Variants in KIF7 observed in about 807,000 individuals in gnomAD.
KIF7 encodes the protein kinesin family member 7, also known as kinesin-like protein KIF7.
KIF7 carries 104 observed loss-of-function variants against 135.7 expected under a neutral mutation model. The ratio of observed to expected loss-of-function variants is 0.77; its 90% confidence interval spans 0.65 to 0.90. KIF7 has a LOEUF of 0.90. Among genes scored for constraint, KIF7 ranks in the 40% least tolerant of loss-of-function variants. The pLI, the probability that KIF7 is intolerant of heterozygous loss-of-function variation, is 0.00. For missense variants in KIF7, 2,005 were observed against 1,839.1 expected (o/e 1.09, Z -1.65); for synonymous variants, 883 against 809.4 (o/e 1.09, Z -1.54).
chr15:89,619,507 T>G (rs1963389065), intron 1 of KIF7, among the ~76,000 whole-genome samples: 1 of 152,216 alleles, frequency 6.6e-6, no homozygotes, highest in African/African-American at 2.4e-5. Context: ...GGTCAGTGTT[T>G]TTTTAATACC....
At position 89,649,145 on chromosome 15, in the gene KIF7, A is replaced by G; in HGVS notation, c.752T>C (p.Val251Ala). Reference protein sequence around the residue: ...GQLLVSKFHFVDLAGSERVLK... With the variant: ...GQLLVSKFHFADLAGSERVLK... ...CACCCTCTCTGAGCCCGCCAGGTCC[A>G]CGAAGTGGAACTTGGAGACGAGCAG... Residue 251 changes from valine to alanine, a missense_variant, in exon 4 of 19, where the codon GTG becomes GCG. Physicochemically the swap from Val to Ala is moderately conservative, Grantham distance 64. Transcript: ENST00000394412. 6.5e-7 allele frequency: 1 copy of G among 1,548,044 alleles called. No individual in the cohort carries two copies. The highest frequency in any genetic ancestry group is 1.2e-5 in the South Asian group (1 of 84,040).
chr15:89,657,397 TTCA>T, upstream of KIF7, among the ~76,000 whole-genome samples: 1 of 151,876 alleles, frequency 6.6e-6, no homozygotes, highest in Admixed American at 6.6e-5. Flanking sequence ...AATAAAAACT[TTCA>T]TGTTACAATA....
At chr15:89,624,049 C>T (rs1003278589), downstream of KIF7, 1 of 1,613,860 alleles carries the variant, frequency 6.2e-7, no homozygotes, top group South Asian at 1.1e-5. Context: ...CATCAGAGAC[C>T]CTCTCAGAAC....
At chr15:89,644,502 C>G (rs1213989504) in intron 10 of KIF7, among the ~76,000 whole-genome samples, 1 of 151,430 alleles carries the variant, frequency 6.6e-6, no homozygotes, top group East Asian at 1.9e-4. Context: ...TGGTGAAACC[C>G]CATCTCAACT....
At chr15:89,643,300 A>G (rs1334576071) in intron 10 of KIF7, among the ~76,000 whole-genome samples, 1 of 152,214 alleles carries the variant, frequency 6.6e-6, no homozygotes, top group Non-Finnish European at 1.5e-5. Context: ...TAAAACAACT[A>G]TTTACCCAGC....
chr15:89,630,534 C>G (rs1388942835), intron 15 of KIF7, 41 bp from the exon 16 acceptor site: 1 of 1,477,600 alleles, frequency 6.8e-7, no homozygotes, highest in Non-Finnish European at 9.2e-7. Context: ...CACCCACTGC[C>G]TGAATGCTGA....
intron 2 of KIF7, among the ~76,000 whole-genome samples, chr15:89,617,320 T>C (rs1023383217): frequency 6.6e-6 from 1 of 152,220 alleles, no homozygotes; most frequent in Non-Finnish European, 1.5e-5. Flanking sequence ...CAGAGGCATA[T>C]ATATTTTTAA....
chr15:89,647,523 G>A (rs1964036711), intron 6 of KIF7, 73 bp downstream of exon 6: 5 of 1,354,058 alleles, frequency 3.7e-6, no homozygotes, highest in Admixed American at 1.7e-5. Context: ...CTCCCATCCT[G>A]AGAAACTCAG....
At position 89,644,921 on chromosome 15, in the gene KIF7, C is replaced by T. The variant is rs940232567; in HGVS notation, c.2191+92G>A. ...AGGCCATCCGGCCCCTGCTCCTAAC[C>T]ACCTCATTGTTGAAATCCCTCTAGA... On this transcript the variant is annotated intron_variant, in intron 10 of 18. Coordinates refer to ENST00000394412, the MANE Select transcript of KIF7 (RefSeq NM_198525.3). 262 of 1,535,448 alleles carry T rather than the reference C, an allele frequency of 1.7e-4. 1 individual carries two copies. The highest frequency in any genetic ancestry group is 2.2e-4 in the Non-Finnish European group (252 of 1,125,458).
chr15:89,645,273 G>A lies in KIF7; in HGVS notation c.2038+63C>T, dbSNP rs1007359796. 6.9e-6 allele frequency: 11 copies of A among 1,597,422 alleles called. No homozygotes were observed. In the African/African-American group the frequency reaches 1.5e-4, roughly 21 times the overall value. On this transcript the variant is annotated intron_variant, in intron 9 of 18. Transcript: ENST00000394412. ...TGGTGGGTGGGACTGTCCCAAGGTG[G>A]CTGGCCCAGAACCGTGGAGGGGCAG...
At chr15:89,632,486 A>C (rs1268159682) in intron 14 of KIF7, among the ~76,000 whole-genome samples, 1 of 152,196 alleles carries the variant, frequency 6.6e-6, no homozygotes. Flanking sequence ...ATGGACACTT[A>C]AGAGAGGTTC....
At chr15:89,622,007 G>C (rs1963434844) in intron 1 of KIF7, among the ~76,000 whole-genome samples, 1 of 66,794 alleles carries the variant, frequency 1.5e-5, no homozygotes, top group East Asian at 3.3e-4. Context: ...TTTTTTTGGA[G>C]ACAGAGTCTT....
intron 17 of KIF7, 90 bp downstream of exon 17, chr15:89,629,285 G>T (rs1460092973): frequency 8.5e-7 from 1 of 1,176,604 alleles, no homozygotes; most frequent in Non-Finnish European, 1.2e-6. Flanking sequence ...CAGGGGCGGT[G>T]GGGGGAGGGA....
rs779180324 is a variant in KIF7, at chr15:89,642,311, G to T, written c.2286C>A (p.Gly762=). ...CCTCGAGCTCCCGCAGCTGCCTCTGGCCTTCACTCAGCTCGGCCCGCACCT... is the reference window on the plus strand; with the variant it reads ...CCTCGAGCTCCCGCAGCTGCCTCTGTCCTTCACTCAGCTCGGCCCGCACCT... ...AEQVRAELSE[G]QRQLRELEGK... is the part of the protein sequence containing the mutation. The change falls in exon 11 of 19, where the codon GGC becomes GGA. Residue 762 remains glycine, a synonymous_variant. Transcript: ENST00000394412. The T allele has an allele frequency of 2.6e-5, 42 of 1,610,630 alleles. No individual in the cohort carries two copies. Among genetic ancestry groups the T allele is most frequent in the Middle Eastern group, 3.5e-4 (2 of 5,650 alleles).
At chr15:89,634,993 C>T (rs1176689972) in intron 11 of KIF7, among the ~76,000 whole-genome samples, 2 of 152,244 alleles carry the variant, frequency 1.3e-5, no homozygotes, top group African/African-American at 2.4e-5. Context: ...AACAGGCAGA[C>T]TGCCTCCTCA....
Position 89,633,222 on chromosome 15 carries a change from A to C in KIF7, c.2637T>G (p.Ile879Met), listed in dbSNP as rs1471206637. The change falls in exon 13 of 19, where the codon ATT (isoleucine) becomes ATG (methionine). Residue 879 changes from isoleucine (I) to methionine (M), a missense_variant. Coordinates refer to ENST00000394412, the MANE Select transcript of KIF7 (RefSeq NM_198525.3). ...GGAATGCCGCGATCTCTTCCGTCTT[A>C]ATCTTCAGGATCTTCTGCTGTTGCT... ...KHEQQQKILK[I>M]KTEEIAAFQR... 5.7e-6 allele frequency: 9 copies of C among 1,592,480 alleles called. No homozygotes were observed. Among genetic ancestry groups the C allele is most frequent in the African/African-American group, 2.7e-5 (2 of 74,616 alleles).
Position 89,628,473 on chromosome 15 carries a change from C to T in KIF7, c.3978G>A (p.Arg1326=), listed in dbSNP as rs754774163. 2 of 1,611,126 alleles carry T rather than the reference C, an allele frequency of 1.2e-6. No individual in the cohort carries two copies. Among genetic ancestry groups the T allele is most frequent in the South Asian group, 2.2e-5 (2 of 90,966 alleles). Residue 1326 remains arginine (R), a synonymous_variant, in exon 19 of 19, where the codon CGG becomes CGA. Transcript: ENST00000394412. ...WNFGPLSKPR[R]ELRRASPGMI... ...TCCCCGGGCTGGCTCGTCGCAGTTC[C>T]CGCCGGGGCTTGGACAAAGGCCCAA... is the stretch of plus-strand genomic sequence containing the variant.
intron 1 of KIF7, chr15:89,619,670 G>A (rs1313628277): frequency 6.3e-7 from 1 of 1,578,120 alleles, no homozygotes; most frequent in Non-Finnish European, 8.6e-7. Flanking sequence ...CAAGCTTGTA[G>A]TTGTCTTTGG....
chr15:89,633,590 C>T, intron 12 of KIF7, 96 bp downstream of exon 12: 1 of 1,329,134 alleles, frequency 7.5e-7, no homozygotes, highest in Non-Finnish European at 1.0e-6. Context: ...GGTCACGTGG[C>T]TGTGGGTTGC....
Sources: allele counts gnomAD v4.1 joint callset (sites outside exome capture counted in the v4.1 genomes callset), GRCh38; gene constraint gnomAD v4.1.1; transcripts MANE v1.5; gene names NCBI Gene and HGNC (gene_info 2026-07-23, HGNC 2026-07-21).